Variants in UNC5D observed in about 807,000 individuals in gnomAD.
UNC5D encodes the protein netrin receptor UNC5D.
A neutral mutation model predicts 105.4 loss-of-function variants in UNC5D; 39 were observed. That is an observed-to-expected ratio of 0.37 (90% confidence interval 0.29 to 0.48). The LOEUF (loss-of-function observed/expected upper bound fraction) is 0.48. Among genes scored for constraint, UNC5D ranks in the 20% least tolerant of loss-of-function variants. UNC5D has a pLI of 0.98. For synonymous variants in UNC5D, 452 were observed against 450.4 expected, an observed-to-expected ratio of 1.00 and a Z score of -0.04; for missense variants, 991 against 1,202.4, an observed-to-expected ratio of 0.82 and a Z score of 2.60.
chr8:35,249,126 A>G (rs1452102027), intron 1 of UNC5D, among the ~76,000 whole-genome samples: 2 of 132,494 alleles, frequency 1.5e-5, no homozygotes, highest in Non-Finnish European at 3.1e-5. Flanking sequence ...TATATATAAA[A>G]TTATATATAA....
intron 1 of UNC5D, among the ~76,000 whole-genome samples, chr8:35,472,400 A>T (rs373720371): frequency 4.7e-4 from 72 of 152,100 alleles, no homozygotes; most frequent in African/African-American, 1.7e-3. Context: ...ACCTGAGATG[A>T]ATGTTGGAGT....
At chr8:35,665,391 C>T (rs1359446493) in intron 4 of UNC5D, among the ~76,000 whole-genome samples, 1 of 152,126 alleles carries the variant, frequency 6.6e-6, no homozygotes, top group East Asian at 1.9e-4. Flanking sequence ...TGAGTGTAAG[C>T]CCCTTGAGTG....
chr8:35,681,361 A>G (rs1825652869), intron 4 of UNC5D, among the ~76,000 whole-genome samples: 2 of 152,194 alleles, frequency 1.3e-5, no homozygotes, highest in African/African-American at 2.4e-5. Flanking sequence ...TTACCCATTC[A>G]TTGTAAGATC....
chr8:35,260,426 C>T (rs555261703), intron 1 of UNC5D, among the ~76,000 whole-genome samples: 1 of 152,178 alleles, frequency 6.6e-6, no homozygotes, highest in African/African-American at 2.4e-5. Context: ...AAAGTACACA[C>T]GACCAAAGTG....
chr8:35,437,856 G>A (rs368806846), intron 1 of UNC5D, among the ~76,000 whole-genome samples: 17 of 147,450 alleles, frequency 1.2e-4, no homozygotes, highest in African/African-American at 2.7e-4. Context: ...TCTTCTGAGC[G>A]GTTGATTTTT....
intron 1 of UNC5D, among the ~76,000 whole-genome samples, chr8:35,493,859 A>G (rs1811370309): frequency 6.6e-6 from 1 of 152,178 alleles, no homozygotes; most frequent in South Asian, 2.1e-4. Flanking sequence ...ACTAGAATAT[A>G]CCATGGGCAA....
At chr8:35,628,219 C>T (rs1267311905) in intron 4 of UNC5D, among the ~76,000 whole-genome samples, 1 of 152,044 alleles carries the variant, frequency 6.6e-6, no homozygotes, top group East Asian at 1.9e-4. Flanking sequence ...CTGCAACCTT[C>T]ACCTCCCAGG....
At chr8:35,760,333 G>A (rs937943063) in intron 14 of UNC5D, among the ~76,000 whole-genome samples, 7 of 151,866 alleles carry the variant, frequency 4.6e-5, no homozygotes, top group Middle Eastern at 3.2e-3. Context: ...GTGAGCCACC[G>A]TGCCTAGCCA....
chr8:35,727,771 T>C (rs1196493636), intron 10 of UNC5D: 2 of 152,298 alleles, frequency 1.3e-5, no homozygotes, highest in Admixed American at 1.3e-4. Context: ...CGTGTCAATG[T>C]GTGAATGCCT....
intron 7 of UNC5D, among the ~76,000 whole-genome samples, chr8:35,700,080 A>G (rs897799705): frequency 3.9e-5 from 6 of 152,202 alleles, no homozygotes; most frequent in Non-Finnish European, 5.9e-5. Context: ...AATGCAAAGC[A>G]GACTTCATGT....
At chr8:35,276,146 C>T (rs973960082) in intron 1 of UNC5D, among the ~76,000 whole-genome samples, 3 of 152,050 alleles carry the variant, frequency 2.0e-5, no homozygotes, top group African/African-American at 7.2e-5. Context: ...TTTTGAAATC[C>T]TCAGAATAAA....
intron 4 of UNC5D, among the ~76,000 whole-genome samples, chr8:35,595,978 T>C (rs1819468170): frequency 6.6e-6 from 1 of 152,158 alleles, no homozygotes; most frequent in South Asian, 2.1e-4. Flanking sequence ...CTGATATGCA[T>C]ATTGGCTTAT....
intron 3 of UNC5D, among the ~76,000 whole-genome samples, chr8:35,582,003 C>A (rs187069301): frequency 2.6e-5 from 4 of 152,166 alleles, no homozygotes; most frequent in Non-Finnish European, 5.9e-5. Flanking sequence ...ATGATAATCT[C>A]TTTGCTGCTT....
At chr8:35,451,518 G>A (rs1276127821) in intron 1 of UNC5D, among the ~76,000 whole-genome samples, 2 of 152,244 alleles carry the variant, frequency 1.3e-5, no homozygotes, top group South Asian at 2.1e-4. Flanking sequence ...AAACAGAGGC[G>A]CAGAGAAGTT....
intron 4 of UNC5D, among the ~76,000 whole-genome samples, chr8:35,625,864 A>G (rs1374652806): frequency 6.6e-6 from 1 of 152,202 alleles, no homozygotes. Flanking sequence ...GTATGTCTCA[A>G]TGATTATTGA....
At chr8:35,632,143 C>T (rs1822079826) in intron 4 of UNC5D, among the ~76,000 whole-genome samples, 1 of 152,184 alleles carries the variant, frequency 6.6e-6, no homozygotes, top group Admixed American at 6.5e-5. Context: ...GAGGTGAAAC[C>T]AGTGTCAAAT....
At chr8:35,288,378 CA>C (rs1032917779) in intron 1 of UNC5D, among the ~76,000 whole-genome samples, 3,292 of 142,152 alleles carry the variant, frequency 0.023, 125 homozygotes, top group African/African-American at 0.081. Flanking sequence ...AAATGAGGGA[CA>C]AAAAAAAAAC....
chr8:35,424,122 A>G (rs549182999), intron 1 of UNC5D, among the ~76,000 whole-genome samples: 2 of 152,130 alleles, frequency 1.3e-5, no homozygotes, highest in East Asian at 3.9e-4. Context: ...ATGCTGAGGG[A>G]GTTTGAGGGA....
rs75310349 is a variant in UNC5D at position 35,325,962 on chromosome 8, C to T, written c.103+90075C>T. On this transcript the variant is annotated intron_variant, in intron 1 of 16. Coordinates refer to ENST00000404895, the MANE Select transcript of UNC5D (RefSeq NM_080872.4). Reference sequence around the variant, plus strand: ...CAAATACCAAGGTGTTACCATCATCCTAACTGGCATCTTTCGGTCCTCAAG... The same window carrying T: ...CAAATACCAAGGTGTTACCATCATCTTAACTGGCATCTTTCGGTCCTCAAG... Among the ~76,000 whole-genome samples the T allele has an allele frequency of 1.7e-4, 26 of 152,222 alleles. 1 individual carries two copies. The East Asian group carries it at 4.6e-3, about 27-fold the overall frequency.
Sources: gnomAD v4.1 joint callset for allele counts (sites outside exome capture counted in the v4.1 genomes callset) on GRCh38, gnomAD v4.1.1 for gene constraint, MANE v1.5 for transcripts, NCBI Gene and HGNC (gene_info 2026-07-23, HGNC 2026-07-21) for gene names.